Variants in DOCK3 observed in about 807,000 individuals in gnomAD.
The protein encoded by DOCK3 is dedicator of cytokinesis 3, also known as dedicator of cytokinesis protein 3.
In DOCK3, 60 loss-of-function variants were observed where a neutral mutation model predicts 265.6. The ratio of observed to expected loss-of-function variants is 0.23; its 90% CI spans 0.18 to 0.28. The LOEUF (loss-of-function observed/expected upper bound fraction) is 0.28, where lower values mean the gene tolerates loss of function less well. Ranked by LOEUF, DOCK3 falls within the 10% of genes least tolerant of loss-of-function variation. The pLI is 1.00. For synonymous variants in DOCK3, 881 were observed against 938.0 expected, an observed-to-expected ratio of 0.94 and a Z score of 1.11; for missense variants, 1,981 against 2,594.3, an observed-to-expected ratio of 0.76 and a Z score of 5.14.
In DOCK3 at chr3:51,371,691, CCCA is replaced by C. The variant is rs2087691162; in HGVS notation, c.5294-2776_5294-2774del. Among the ~76,000 whole-genome samples the C allele has an allele frequency of 2.0e-5, 3 of 152,346 alleles. No individual in the cohort carries two copies. The South Asian group carries it at 6.2e-4, about 32-fold the overall frequency. On this transcript the variant is annotated intron_variant, in intron 49 of 52. Coordinates refer to ENST00000266037, the MANE Select transcript of DOCK3 (RefSeq NM_004947.5). ...AAGCCTTTGCATTGGGGTTACTTCC[CCCA>C]CTCCCAAGAGTGGTCATGAGACCAG...
chr3:51,132,302 T>C (rs1199819526), intron 9 of DOCK3, among the ~76,000 whole-genome samples: 1 of 152,230 alleles, frequency 6.6e-6, no homozygotes, highest in African/African-American at 2.4e-5. Context: ...TCCAGATTTC[T>C]GTTTATATAA....
At chr3:50,789,958 T>G (rs1276783217) in intron 2 of DOCK3, among the ~76,000 whole-genome samples, 1 of 152,244 alleles carries the variant, frequency 6.6e-6, no homozygotes, top group Non-Finnish European at 1.5e-5. Flanking sequence ...GGTCTGGAAC[T>G]CTTGGCCACA....
At chr3:50,910,642 A>G (rs1365502106) in intron 4 of DOCK3, among the ~76,000 whole-genome samples, 3 of 152,134 alleles carry the variant, frequency 2.0e-5, no homozygotes, top group African/African-American at 4.8e-5. Context: ...CTCCATGGGC[A>G]TTGGCCAAAT....
chr3:51,231,165 G>A (rs1369046618), intron 19 of DOCK3, among the ~76,000 whole-genome samples: 1 of 108,088 alleles, frequency 9.3e-6, no homozygotes, highest in Non-Finnish European at 1.7e-5. Flanking sequence ...GTCTTGCCCT[G>A]TTGCTCAGGC....
chr3:50,913,851 T>G (rs954902684), intron 4 of DOCK3, among the ~76,000 whole-genome samples: 2 of 152,092 alleles, frequency 1.3e-5, no homozygotes, highest in African/African-American at 4.8e-5. Context: ...CGATTGTTTT[T>G]TATACCTCTT....
intron 7 of DOCK3, among the ~76,000 whole-genome samples, chr3:51,079,171 A>G (rs896325095): frequency 9.9e-5 from 15 of 152,174 alleles, no homozygotes; most frequent in African/African-American, 3.4e-4. Context: ...CATTGATTTT[A>G]GGGAAAAAAT....
intron 5 of DOCK3, among the ~76,000 whole-genome samples, chr3:51,023,911 A>G (rs1201738817): frequency 1.3e-5 from 2 of 152,116 alleles, no homozygotes; most frequent in Non-Finnish European, 2.9e-5. Context: ...CTGGAGAGCT[A>G]TTGTGACATT....
intron 9 of DOCK3, among the ~76,000 whole-genome samples, chr3:51,097,881 T>C (rs895388876): frequency 6.6e-6 from 1 of 152,226 alleles, no homozygotes; most frequent in African/African-American, 2.4e-5. Flanking sequence ...CCCTGACTCC[T>C]TGTGCTTCCC....
At chr3:51,052,612 A>G (rs1013435320) in intron 5 of DOCK3, among the ~76,000 whole-genome samples, 2 of 152,192 alleles carry the variant, frequency 1.3e-5, no homozygotes, top group Admixed American at 1.3e-4. Context: ...TTTTCGTGTG[A>G]AAGGACTGAG....
intron 12 of DOCK3, among the ~76,000 whole-genome samples, chr3:51,207,754 A>T (rs1484047026): frequency 2.0e-5 from 3 of 152,136 alleles, no homozygotes; most frequent in Non-Finnish European, 4.4e-5. Context: ...GCCATGCTGA[A>T]CTGGACACAT....
rs183651479 is a variant in DOCK3, at chr3:51,380,147, C to T, written c.5523C>T (p.Asp1841=). 304 of 1,613,688 alleles carry T rather than the reference C, an allele frequency of 1.9e-4. No homozygotes were observed. Among genetic ancestry groups the T allele is most frequent in the Admixed American group, 1.2e-3 (72 of 59,994 alleles). The change falls in exon 52 of 53, where the codon GAC becomes GAT. Residue 1841 remains aspartate (D), a synonymous_variant. Coordinates refer to ENST00000266037, the MANE Select transcript of DOCK3 (RefSeq NM_004947.5). ...CAGGTCATTACTCCCTACACTTTGA[C>T]GCCTTCCACCACCCTCTGGGTGATA... ...AEKGHYSLHF[D]AFHHPLGDTP... is the part of the protein sequence containing the mutation.
intron 26 of DOCK3, 175 bp downstream of exon 26, chr3:51,277,929 G>A (rs912504109): frequency 1.0e-5 from 10 of 985,244 alleles, no homozygotes; most frequent in Non-Finnish European, 1.2e-5. Flanking sequence ...TACTCTGAAA[G>A]CTCTAGGTTC....
intron 5 of DOCK3, among the ~76,000 whole-genome samples, chr3:51,018,485 A>AT (rs1165617045): frequency 6.6e-6 from 1 of 150,476 alleles, no homozygotes; most frequent in Non-Finnish European, 1.5e-5. Flanking sequence ...AGAACACCTC[A>AT]TTATAAGCTA....
At chr3:51,223,913 A>G (rs1398292677) in intron 14 of DOCK3, among the ~76,000 whole-genome samples, 40 of 152,120 alleles carry the variant, frequency 2.6e-4, no homozygotes, top group Admixed American at 2.6e-3. Flanking sequence ...CCTACCCTGT[A>G]CACCTGAGTG....
At chr3:50,752,246 C>T (rs1440427779) in intron 1 of DOCK3, among the ~76,000 whole-genome samples, 1 of 152,132 alleles carries the variant, frequency 6.6e-6, no homozygotes, top group Non-Finnish European at 1.5e-5. Context: ...TGCAGTGGCT[C>T]ACCCCTGTAA....
At chr3:50,707,797 T>C (rs1348953975) in intron 1 of DOCK3, among the ~76,000 whole-genome samples, 1 of 152,012 alleles carries the variant, frequency 6.6e-6, no homozygotes, top group Non-Finnish European at 1.5e-5. Context: ...GTGGTGGCAG[T>C]GGCAGTGGTG....
intron 9 of DOCK3, among the ~76,000 whole-genome samples, chr3:51,096,703 T>A (rs553851161): frequency 3.0e-4 from 46 of 152,336 alleles, no homozygotes; most frequent in Middle Eastern, 3.4e-3. Flanking sequence ...GGAGTTGTGA[T>A]CCTTTGGAGA....
intron 2 of DOCK3, among the ~76,000 whole-genome samples, chr3:50,808,791 T>C (rs1187307388): frequency 6.6e-6 from 1 of 152,226 alleles, no homozygotes; most frequent in African/African-American, 2.4e-5. Context: ...CACTGATGTA[T>C]GAGAGAAGTG....
intron 1 of DOCK3, among the ~76,000 whole-genome samples, chr3:50,746,340 C>G (rs1037058068): frequency 3.3e-5 from 5 of 152,112 alleles, no homozygotes; most frequent in African/African-American, 1.2e-4. Context: ...CTCCTGACCT[C>G]AGGTGATCTG....
Sources: gnomAD v4.1 joint callset for allele counts (sites outside exome capture counted in the v4.1 genomes callset) on GRCh38, gnomAD v4.1.1 for gene constraint, MANE v1.5 for transcripts, NCBI Gene and HGNC (gene_info 2026-07-23, HGNC 2026-07-21) for gene names.